Variants in WWTR1 observed in about 807,000 individuals in gnomAD.
WWTR1 encodes the protein WW domain-containing transcription regulator protein 1.
WWTR1 carries 13 observed loss-of-function variants against 40.1 expected under a neutral mutation model. The observed-to-expected ratio is 0.32, with a 90% CI of 0.21 to 0.52. The LOEUF is 0.52. Among genes scored for constraint, WWTR1 ranks in the 20% least tolerant of loss-of-function variants. The pLI, the probability that WWTR1 is intolerant of heterozygous loss-of-function variation, is 0.97. For synonymous variants in WWTR1, 230 were observed against 210.1 expected, an observed-to-expected ratio of 1.09 and a Z score of -0.82; for missense variants, 436 against 523.1, an observed-to-expected ratio of 0.83 and a Z score of 1.63.
In WWTR1 at chr3:149,565,680, G is replaced by A. The variant is rs549529816; in HGVS notation, c.568+7184C>T. Among the ~76,000 whole-genome samples, 8 of 152,210 alleles carry A rather than the reference G, an allele frequency of 5.3e-5. No homozygotes were observed. The South Asian group carries it at 1.7e-3, about 32-fold the overall frequency. Reference sequence around the variant, plus strand: ...TAATCCCAGCACTTTGGGAGGCTGAGGTGGGCGGATCACCTGAGGTCAGGA... The same window carrying A: ...TAATCCCAGCACTTTGGGAGGCTGAAGTGGGCGGATCACCTGAGGTCAGGA... On this transcript the variant is annotated intron_variant, in intron 3 of 6. Transcript: ENST00000360632.
At chr3:149,524,327 G>GGTT in intron 6 of WWTR1, among the ~76,000 whole-genome samples, 1 of 139,320 alleles carries the variant, frequency 7.2e-6, no homozygotes, top group East Asian at 2.3e-4. Context: ...CTCTTTTATG[G>GGTT]TTTTTTTTTT....
At chr3:149,675,744 T>G (rs1167951856) in intron 1 of WWTR1, among the ~76,000 whole-genome samples, 1 of 150,854 alleles carries the variant, frequency 6.6e-6, no homozygotes, top group African/African-American at 2.4e-5. Flanking sequence ...TGAGATGGAG[T>G]CTTGCTCTGT....
At chr3:149,693,020 T>C (rs1714873235) in intron 1 of WWTR1, among the ~76,000 whole-genome samples, 1 of 152,076 alleles carries the variant, frequency 6.6e-6, no homozygotes, top group South Asian at 2.1e-4. Flanking sequence ...GGCATACAAA[T>C]TGGAAAAGAA....
intron 2 of WWTR1, among the ~76,000 whole-genome samples, chr3:149,583,068 C>T (rs1198158230): frequency 2.0e-5 from 3 of 152,146 alleles, no homozygotes; most frequent in African/African-American, 4.8e-5. Context: ...CAGGTTCAAG[C>T]GATTCTCCTG....
intron 2 of WWTR1, chr3:149,649,076 T>G (rs1397627423): frequency 6.6e-6 from 1 of 152,612 alleles, no homozygotes; most frequent in Non-Finnish European, 1.5e-5. Flanking sequence ...CACTGCAACC[T>G]CTGCCTCCCG....
At chr3:149,567,382 C>A (rs764792913) in intron 3 of WWTR1, among the ~76,000 whole-genome samples, 5 of 152,224 alleles carry the variant, frequency 3.3e-5, no homozygotes, top group Non-Finnish European at 5.9e-5. Context: ...CTGCTCTTCA[C>A]AAACTCCCTC....
intron 1 of WWTR1, among the ~76,000 whole-genome samples, chr3:149,685,956 G>C (rs1174531857): frequency 2.0e-5 from 3 of 152,132 alleles, no homozygotes; most frequent in Non-Finnish European, 4.4e-5. Context: ...GCAAAAAAAT[G>C]CTATTGTCAC....
At position 149,517,314 on chromosome 3, in the gene WWTR1, T is replaced by C. The variant is rs1734831846; in HGVS notation, c.*3491A>G. The C allele has an allele frequency of 6.6e-6, 1 of 152,222 alleles. No individual in the cohort carries two copies. The highest frequency in any genetic ancestry group is 2.4e-5 in the African/African-American group (1 of 41,454). 9.4% of individuals were successfully genotyped at this position (152,222 alleles called of 1,614,324 possible). On this transcript the variant is annotated 3_prime_UTR_variant, in exon 7 of 7. Coordinates refer to ENST00000360632, the MANE Select transcript of WWTR1 (RefSeq NM_015472.6). ...GTACCAAACTCCAGGTAAAATGGTT[T>C]GATCTGATCGATTTGGCTGCATACT...
intron 4 of WWTR1, among the ~76,000 whole-genome samples, chr3:149,722,283 G>T: frequency 6.8e-6 from 1 of 148,030 alleles, no homozygotes; most frequent in South Asian, 2.2e-4. Flanking sequence ...CCTCCTACTA[G>T]CTTTGGGTTT....
chr3:149,578,193 G>A (rs191523549), intron 2 of WWTR1, among the ~76,000 whole-genome samples: 114 of 152,228 alleles, frequency 7.5e-4, no homozygotes, highest in African/African-American at 2.7e-3. Flanking sequence ...AAGACCACAC[G>A]CAGTTGTGGA....
chr3:149,629,358 T>C (rs558776286), intron 2 of WWTR1, among the ~76,000 whole-genome samples: 161 of 152,364 alleles, frequency 1.1e-3, no homozygotes, highest in African/African-American at 2.4e-3. Context: ...AGGATACTTA[T>C]ATACCCTTAC....
upstream of WWTR1, among the ~76,000 whole-genome samples, chr3:149,707,189 A>T (rs536740104): frequency 9.2e-5 from 14 of 152,294 alleles, no homozygotes; most frequent in African/African-American, 3.4e-4. Context: ...GTAGAGGATA[A>T]AAAAGAACTA....
intron 5 of WWTR1, 35 bp downstream of exon 5, chr3:149,527,801 G>A (rs1376463954): frequency 1.9e-6 from 3 of 1,612,324 alleles, no homozygotes; most frequent in Non-Finnish European, 2.5e-6. Context: ...ATAATAAAGA[G>A]AATAAAAATA....
At chr3:149,680,877 A>G (rs1229157151) in intron 1 of WWTR1, among the ~76,000 whole-genome samples, 1 of 152,182 alleles carries the variant, frequency 6.6e-6, no homozygotes, top group African/African-American at 2.4e-5. Context: ...TCTTTTTAAC[A>G]TATGTATTAT....
At chr3:149,638,424 T>C (rs1290618728) in intron 2 of WWTR1, among the ~76,000 whole-genome samples, 2 of 152,146 alleles carry the variant, frequency 1.3e-5, no homozygotes, top group Non-Finnish European at 2.9e-5. Context: ...CCAAGTACAG[T>C]ATACTTCCCT....
chr3:149,655,761 C>A (rs1456944290), intron 2 of WWTR1, among the ~76,000 whole-genome samples: 1 of 152,228 alleles, frequency 6.6e-6, no homozygotes, highest in Admixed American at 6.5e-5. Flanking sequence ...ACTGTGTATT[C>A]ATTCTTAGGG....
intron 2 of WWTR1, among the ~76,000 whole-genome samples, chr3:149,632,149 C>A (rs111498640): frequency 6.6e-6 from 1 of 152,226 alleles, no homozygotes; most frequent in African/African-American, 2.4e-5. Context: ...TGGGTTCAAG[C>A]GATCTGCCTG....
chr3:149,665,149 T>G (rs1352766956), intron 2 of WWTR1, among the ~76,000 whole-genome samples: 1 of 151,944 alleles, frequency 6.6e-6, no homozygotes, highest in Non-Finnish European at 1.5e-5. Flanking sequence ...GTTTAGAAGT[T>G]AATGATCAGG....
At position 149,657,321 on chromosome 3, in the gene WWTR1, A is replaced by C; in HGVS notation, c.-3-12T>G. ...GCCGGATTCATCTTCTGCAAAAAGAAGGTCAGATCAGCCTTTTATTTAAAG... is the reference window on the plus strand; with the variant it reads ...GCCGGATTCATCTTCTGCAAAAAGACGGTCAGATCAGCCTTTTATTTAAAG... On this transcript the variant is annotated splice_polypyrimidine_tract_variant and intron_variant, in intron 1 of 6. Transcript: ENST00000360632. The C allele has an allele frequency of 6.2e-7, 1 of 1,601,886 alleles. No homozygotes were observed. Among genetic ancestry groups the C allele is most frequent in the Non-Finnish European group, 8.5e-7 (1 of 1,173,876 alleles).
Sources: allele counts gnomAD v4.1 joint callset (sites outside exome capture counted in the v4.1 genomes callset), GRCh38; gene constraint gnomAD v4.1.1; transcripts MANE v1.5; gene names NCBI Gene and HGNC (gene_info 2026-07-23, HGNC 2026-07-21).